The following GRID2 variants were observed in gnomAD, a reference collection of about 807,000 sequenced individuals.
GRID2 encodes glutamate receptor ionotropic, delta-2.
In GRID2, 33 loss-of-function variants were observed where a neutral mutation model predicts 114.8. The observed-to-expected ratio is 0.29, with a 90% CI of 0.22 to 0.38. The LOEUF (loss-of-function observed/expected upper bound fraction) is 0.38, where lower values mean the gene tolerates loss of function less well. GRID2 is among the 10% of genes least tolerant of loss of function. The pLI, the probability that GRID2 is intolerant of heterozygous loss-of-function variation, is 1.00. For synonymous variants in GRID2, 505 were observed against 449.9 expected (o/e 1.12, Z -1.55); for missense variants, 1,184 against 1,257.7 (o/e 0.94, Z 0.89).
At chr4:92,546,556 G>A (rs556790116) in intron 1 of GRID2, among the ~76,000 whole-genome samples, 192 of 152,220 alleles carry the variant, frequency 1.3e-3, no homozygotes, top group South Asian at 6.8e-3. Context: ...GTGTGTGTGC[G>A]CGCGCGTGTG....
At chr4:92,579,846 A>T (rs12513112) in intron 1 of GRID2, among the ~76,000 whole-genome samples, 40,054 of 149,968 alleles carry the variant, frequency 0.27, 5,530 homozygotes, top group Middle Eastern at 0.36. Flanking sequence ...TTTCTTAAGT[A>T]ATTGATATAC....
chr4:92,451,195 T>C (rs900099541), intron 1 of GRID2, among the ~76,000 whole-genome samples: 6 of 152,082 alleles, frequency 3.9e-5, no homozygotes, highest in Admixed American at 3.9e-4. Flanking sequence ...AGAAAGAATG[T>C]ACATTGGTTC....
intron 11 of GRID2, among the ~76,000 whole-genome samples, chr4:93,476,242 A>C (rs1256096284): frequency 6.6e-6 from 1 of 152,168 alleles, no homozygotes; most frequent in Non-Finnish European, 1.5e-5. Context: ...AAACACCTAC[A>C]GTGTAAATCA....
intron 1 of GRID2, among the ~76,000 whole-genome samples, chr4:92,481,834 A>T (rs1257654859): frequency 2.0e-5 from 3 of 151,474 alleles, no homozygotes; most frequent in Non-Finnish European, 2.9e-5. Context: ...TCAATCCATG[A>T]GCTTAGAAAG....
At chr4:92,424,852 A>G (rs1732079993) in intron 1 of GRID2, among the ~76,000 whole-genome samples, 1 of 151,968 alleles carries the variant, frequency 6.6e-6, no homozygotes, top group Non-Finnish European at 1.5e-5. Context: ...CTGATTAAAC[A>G]AAAATTCAAA....
At chr4:93,420,988 C>T (rs1015791618) in intron 9 of GRID2, among the ~76,000 whole-genome samples, 5 of 152,196 alleles carry the variant, frequency 3.3e-5, no homozygotes, top group Non-Finnish European at 7.4e-5. Context: ...CTCCTGACCT[C>T]GTGATCCGCC....
chr4:92,446,810 T>C (rs1343163173), intron 1 of GRID2, among the ~76,000 whole-genome samples: 1 of 152,224 alleles, frequency 6.6e-6, no homozygotes. Context: ...GAGAATATCA[T>C]GCAAAGAATA....
At chr4:92,400,776 GC>G (rs1423811314) in intron 1 of GRID2, among the ~76,000 whole-genome samples, 3 of 151,810 alleles carry the variant, frequency 2.0e-5, no homozygotes, top group African/African-American at 7.3e-5. Context: ...CTTATTGCAT[GC>G]CTTGAAAAAA....
chr4:92,747,067 G>A (rs1038542211), intron 2 of GRID2, among the ~76,000 whole-genome samples: 2 of 151,804 alleles, frequency 1.3e-5, no homozygotes, highest in African/African-American at 4.8e-5. Flanking sequence ...TATAGGAGTT[G>A]GATAAATATT....
At chr4:93,506,200 A>G (rs1341306034) in intron 12 of GRID2, among the ~76,000 whole-genome samples, 2 of 152,156 alleles carry the variant, frequency 1.3e-5, no homozygotes, top group Non-Finnish European at 2.9e-5. Flanking sequence ...TTTACCTGTG[A>G]CCATCTGACT....
At chr4:93,464,115 GAACAAACATCCTC>G (rs1457963259) in intron 11 of GRID2, among the ~76,000 whole-genome samples, 1 of 152,134 alleles carries the variant, frequency 6.6e-6, no homozygotes, top group Non-Finnish European at 1.5e-5. Context: ...GTAAAAATGG[GAACAAACATCCTC>G]AACATAAACT....
chr4:92,366,190 T>G (rs1728856187), intron 1 of GRID2, among the ~76,000 whole-genome samples: 1 of 152,012 alleles, frequency 6.6e-6, no homozygotes, highest in Non-Finnish European at 1.5e-5. Context: ...ATGTTAAATT[T>G]ATATCCCCAC....
intron 2 of GRID2, among the ~76,000 whole-genome samples, chr4:92,961,987 A>T (rs932225195): frequency 6.6e-6 from 1 of 151,686 alleles, no homozygotes; most frequent in African/African-American, 2.4e-5. Flanking sequence ...TTACTTTTAC[A>T]GTGTTTTTGA....
intron 10 of GRID2, among the ~76,000 whole-genome samples, chr4:93,436,205 T>C (rs1349567064): frequency 1.3e-5 from 2 of 152,150 alleles, no homozygotes; most frequent in African/African-American, 4.8e-5. Flanking sequence ...GCTGTGATTT[T>C]TTTGTGTGTG....
chr4:92,632,639 A>G (rs1310295915), intron 2 of GRID2, among the ~76,000 whole-genome samples: 2 of 151,674 alleles, frequency 1.3e-5, no homozygotes, highest in East Asian at 3.9e-4. Context: ...CTCGAAAGAA[A>G]GAAAAGAAAG....
At chr4:92,458,454 T>G (rs1721323104) in intron 1 of GRID2, among the ~76,000 whole-genome samples, 1 of 152,112 alleles carries the variant, frequency 6.6e-6, no homozygotes, top group South Asian at 2.1e-4. Flanking sequence ...CTTTTAGGAG[T>G]CACAGTGGCA....
chr4:93,029,922 C>T (rs1724237253), intron 2 of GRID2, among the ~76,000 whole-genome samples: 1 of 152,158 alleles, frequency 6.6e-6, no homozygotes, highest in Non-Finnish European at 1.5e-5. Context: ...TCTTTCTTAG[C>T]ATGCAAATAA....
At chr4:92,449,757 C>G (rs950779893) in intron 1 of GRID2, among the ~76,000 whole-genome samples, 1 of 142,566 alleles carries the variant, frequency 7.0e-6, no homozygotes, top group Non-Finnish European at 1.5e-5. Context: ...TCAGGAATCT[C>G]TAGAAGCTTC....
intron 2 of GRID2, among the ~76,000 whole-genome samples, chr4:92,968,311 T>C (rs1025198814): frequency 6.6e-6 from 1 of 151,848 alleles, no homozygotes; most frequent in African/African-American, 2.4e-5. Flanking sequence ...AACTCAGGCT[T>C]TATTTAAAAA....
Sources: allele counts gnomAD v4.1 joint callset (sites outside exome capture counted in the v4.1 genomes callset), GRCh38; gene constraint gnomAD v4.1.1; transcripts MANE v1.5; gene names NCBI Gene and HGNC (gene_info 2026-07-23, HGNC 2026-07-21).